FAM107B: variants seen among roughly 807,000 people sequenced by gnomAD.
The protein encoded by FAM107B is protein FAM107B.
A neutral mutation model predicts 31.5 loss-of-function variants in FAM107B; 21 were observed. The observed-to-expected ratio is 0.67, with a 90% CI of 0.47 to 0.96. FAM107B has a LOEUF of 0.96. FAM107B is among the 40% of genes least tolerant of loss of function. The pLI is 0.00. For missense variants in FAM107B, 452 were observed against 377.1 expected (o/e 1.20, Z -1.64); for synonymous variants, 157 against 141.5 (o/e 1.11, Z -0.78).
At chr10:14,525,878 A>G (rs990514428) in intron 3 of FAM107B, among the ~76,000 whole-genome samples, 41 of 152,336 alleles carry the variant, frequency 2.7e-4, no homozygotes, top group African/African-American at 9.4e-4. Flanking sequence ...AATGATTTAT[A>G]TTCCCACCCC....
chr10:14,593,422 C>A (rs1023050526), intron 2 of FAM107B, among the ~76,000 whole-genome samples: 1 of 151,982 alleles, frequency 6.6e-6, no homozygotes, highest in African/African-American at 2.4e-5. Flanking sequence ...GCTGGCCGGG[C>A]GCAGTGGCAC....
chr10:14,599,871 C>T, intron 2 of FAM107B, among the ~76,000 whole-genome samples: 1 of 143,356 alleles, frequency 7.0e-6, no homozygotes, highest in South Asian at 2.2e-4. Flanking sequence ...AAAAAAAAAA[C>T]TCTTTTCCAT....
chr10:14,693,012 G>C (rs1855178601), intron 1 of FAM107B, among the ~76,000 whole-genome samples: 1 of 152,148 alleles, frequency 6.6e-6, no homozygotes, highest in Non-Finnish European at 1.5e-5. Context: ...GCCTTCACTA[G>C]GGTCCTCTGT....
chr10:14,525,453 G>C (rs1474762532), intron 3 of FAM107B, among the ~76,000 whole-genome samples: 1 of 152,114 alleles, frequency 6.6e-6, no homozygotes, highest in African/African-American at 2.4e-5. Context: ...AAAAGCAAAA[G>C]CACATCCAAA....
At chr10:14,670,972 A>T (rs1030774042) in intron 1 of FAM107B, among the ~76,000 whole-genome samples, 1 of 152,186 alleles carries the variant, frequency 6.6e-6, no homozygotes, top group East Asian at 1.9e-4. Flanking sequence ...GAATAAAATG[A>T]CAACAGTCCA....
chr10:14,606,282 C>T (rs1852587915), intron 2 of FAM107B, among the ~76,000 whole-genome samples: 1 of 152,140 alleles, frequency 6.6e-6, no homozygotes, highest in East Asian at 1.9e-4. Flanking sequence ...GAGCTCCTCT[C>T]CTCTCTGAGA....
intron 1 of FAM107B, among the ~76,000 whole-genome samples, chr10:14,770,239 A>G (rs1833270450): frequency 6.6e-6 from 1 of 152,032 alleles, no homozygotes; most frequent in African/African-American, 2.4e-5. Flanking sequence ...AAAAATAAAC[A>G]GCAGACCTGG....
intron 3 of FAM107B, chr10:14,530,006 C>T (rs905689362): frequency 1.3e-4 from 26 of 207,610 alleles, no homozygotes; most frequent in African/African-American, 6.1e-4. Flanking sequence ...AATTTAAGAA[C>T]ATATTTCTCT....
chr10:14,589,047 T>C (rs1052892646), intron 2 of FAM107B, among the ~76,000 whole-genome samples: 5 of 151,176 alleles, frequency 3.3e-5, no homozygotes, highest in African/African-American at 9.7e-5. Context: ...CCGGGTGTGG[T>C]GGTGCATGCC....
intron 2 of FAM107B, among the ~76,000 whole-genome samples, chr10:14,537,792 G>A (rs1311534644): frequency 2.8e-5 from 4 of 141,528 alleles, no homozygotes; most frequent in Non-Finnish European, 4.5e-5. Flanking sequence ...CTGAGATTGC[G>A]CCACTGCACT....
intron 1 of FAM107B, among the ~76,000 whole-genome samples, chr10:14,696,582 A>ATTC (rs1446971271): frequency 6.6e-6 from 1 of 152,032 alleles, no homozygotes; most frequent in East Asian, 1.9e-4. Context: ...ATTGGTATAA[A>ATTC]TTCTTCCTTA....
At chr10:14,692,623 G>A (rs116335184) in intron 1 of FAM107B, among the ~76,000 whole-genome samples, 148 of 152,194 alleles carry the variant, frequency 9.7e-4, no homozygotes, top group African/African-American at 3.3e-3. Flanking sequence ...TAGGACTGTC[G>A]TCTCAGCATG....
intron 2 of FAM107B, among the ~76,000 whole-genome samples, chr10:14,554,846 A>T (rs938542243): frequency 6.6e-6 from 1 of 152,252 alleles, no homozygotes; most frequent in Non-Finnish European, 1.5e-5. Flanking sequence ...AGTTCACAGA[A>T]GTATATCAAC....
At chr10:14,677,774 C>T (rs1360719047) in intron 1 of FAM107B, among the ~76,000 whole-genome samples, 4 of 152,176 alleles carry the variant, frequency 2.6e-5, no homozygotes, top group Non-Finnish European at 5.9e-5. Context: ...GAGCTAAAAC[C>T]AGGAAAGTCC....
At chr10:14,678,242 A>G (rs1854736742) in intron 1 of FAM107B, among the ~76,000 whole-genome samples, 1 of 152,194 alleles carries the variant, frequency 6.6e-6, no homozygotes. Context: ...AGGGTAAAAT[A>G]AGGTAACGAA....
intron 2 of FAM107B, among the ~76,000 whole-genome samples, chr10:14,621,255 G>A (rs960495827): frequency 1.3e-5 from 2 of 152,054 alleles, no homozygotes; most frequent in African/African-American, 4.8e-5. Flanking sequence ...TTCACATTTC[G>A]ATGTTTTGAA....
At chr10:14,655,573 T>A (rs1467973774) in intron 2 of FAM107B, among the ~76,000 whole-genome samples, 1 of 152,150 alleles carries the variant, frequency 6.6e-6, no homozygotes, top group Non-Finnish European at 1.5e-5. Context: ...TTTTAAAATA[T>A]GTTATGGTTG....
At chr10:14,629,929 C>A (rs1049737548) in intron 2 of FAM107B, among the ~76,000 whole-genome samples, 2 of 152,078 alleles carry the variant, frequency 1.3e-5, no homozygotes, top group East Asian at 3.8e-4. Context: ...TACTAAAAAA[C>A]CGTGTAAATC....
intron 1 of FAM107B, among the ~76,000 whole-genome samples, chr10:14,698,106 C>A (rs1323743216): frequency 6.6e-6 from 1 of 151,054 alleles, no homozygotes; most frequent in Non-Finnish European, 1.5e-5. Flanking sequence ...GCCTGGGCAA[C>A]AGAGCAAGAC....
Sources: allele counts gnomAD v4.1 joint callset (sites outside exome capture counted in the v4.1 genomes callset), GRCh38; gene constraint gnomAD v4.1.1; transcripts MANE v1.5; gene names NCBI Gene and HGNC (gene_info 2026-07-23, HGNC 2026-07-21).